The following MIS18A variants were observed in gnomAD, a reference collection of about 807,000 sequenced individuals.
MIS18A encodes the protein protein Mis18-alpha.
Under a neutral mutation model 25.0 loss-of-function variants are expected in MIS18A, and 14 were observed. That is an observed-to-expected ratio of 0.56 (90% CI 0.37 to 0.88). MIS18A has a LOEUF of 0.88. Among genes scored for constraint, MIS18A ranks in the 40% least tolerant of loss-of-function variants. MIS18A has a pLI of 0.00. For missense variants in MIS18A, 292 were observed against 290.8 expected, an observed-to-expected ratio of 1.00 and a Z score of -0.03; for synonymous variants, 134 against 118.6, an observed-to-expected ratio of 1.13 and a Z score of -0.84.
the MIS18A span, among the ~76,000 whole-genome samples, chr21:32,202,787 G>A: frequency 2.0e-5 from 3 of 152,100 alleles, no homozygotes; most frequent in South Asian, 2.1e-4. Context: ...GTTCACCCAC[G>A]TTGTAGCATG....
chr21:32,250,371 CT>C, the MIS18A span, among the ~76,000 whole-genome samples: 4 of 152,124 alleles, frequency 2.6e-5, no homozygotes, highest in Non-Finnish European at 5.9e-5. Flanking sequence ...TCCATTTTCC[CT>C]TTTGAGCAGC....
At chr21:32,189,437 C>T in the MIS18A span, among the ~76,000 whole-genome samples, 1 of 152,134 alleles carries the variant, frequency 6.6e-6, no homozygotes, top group African/African-American at 2.4e-5. Context: ...CACCACCACA[C>T]CTGGTAAATT....
chr21:32,210,660 GC>G, the MIS18A span, among the ~76,000 whole-genome samples: 1 of 152,190 alleles, frequency 6.6e-6, no homozygotes, highest in Admixed American at 6.5e-5. Context: ...TGTCGGGGGA[GC>G]AGGAATGTTT....
the MIS18A span, among the ~76,000 whole-genome samples, chr21:32,261,959 C>T: frequency 5.3e-5 from 8 of 152,212 alleles, no homozygotes; most frequent in Admixed American, 1.3e-4. Flanking sequence ...CCCTTCTAGA[C>T]GCTAAGATTG....
the MIS18A span, among the ~76,000 whole-genome samples, chr21:32,245,177 C>T: frequency 7.4e-3 from 1,124 of 152,306 alleles, 13 homozygotes; most frequent in African/African-American, 0.025. Flanking sequence ...GGAAGACCAC[C>T]TCCTGGATTA....
the MIS18A span, among the ~76,000 whole-genome samples, chr21:32,193,589 G>GA: frequency 6.6e-6 from 1 of 152,106 alleles, no homozygotes; most frequent in Non-Finnish European, 1.5e-5. Context: ...ATAATTTTAA[G>GA]AAAATAAATC....
the MIS18A span, among the ~76,000 whole-genome samples, chr21:32,258,784 A>C: frequency 2.0e-5 from 3 of 152,146 alleles, no homozygotes; most frequent in African/African-American, 7.2e-5. Context: ...ATCTTGTTGC[A>C]GCAGCACAGG....
the MIS18A span, among the ~76,000 whole-genome samples, chr21:32,242,715 C>CTT: frequency 4.6e-5 from 7 of 152,158 alleles, no homozygotes; most frequent in Admixed American, 4.6e-4. Context: ...CTGTGCTGGG[C>CTT]TTATCAAAAA....
At chr21:32,159,117 A>T in the MIS18A span, among the ~76,000 whole-genome samples, 1 of 152,186 alleles carries the variant, frequency 6.6e-6, no homozygotes, top group East Asian at 1.9e-4. Context: ...TTGTACCTCT[A>T]ATAAGAATGT....
At chr21:32,168,908 C>T in the MIS18A span, among the ~76,000 whole-genome samples, 1 of 152,148 alleles carries the variant, frequency 6.6e-6, no homozygotes, top group African/African-American at 2.4e-5. Context: ...AAACAATCTA[C>T]ATACTTCAAT....
chr21:32,215,336 C>A, the MIS18A span, among the ~76,000 whole-genome samples: 1 of 152,158 alleles, frequency 6.6e-6, no homozygotes, highest in Non-Finnish European at 1.5e-5. Flanking sequence ...AGGGGTAGCA[C>A]TGTGGGGAAA....
At chr21:32,236,210 TA>T in the MIS18A span, among the ~76,000 whole-genome samples, 64,733 of 145,420 alleles carry the variant, frequency 0.45, 15,527 homozygotes, top group African/African-American at 0.66. Context: ...CCGTCTCTAC[TA>T]AAAAAAAAAA....
downstream of MIS18A, among the ~76,000 whole-genome samples, chr21:32,265,685 C>T (rs891456036): frequency 5.3e-5 from 8 of 152,256 alleles, no homozygotes; most frequent in Admixed American, 2.0e-4. Flanking sequence ...GGCGCCCAGT[C>T]CCATCGACCA....
the MIS18A span, among the ~76,000 whole-genome samples, chr21:32,247,276 A>G: frequency 1.3e-5 from 2 of 152,172 alleles, no homozygotes; most frequent in Non-Finnish European, 2.9e-5. Context: ...TGGAGTCTCA[A>G]GTCTACACTC....
the MIS18A span, among the ~76,000 whole-genome samples, chr21:32,183,400 T>C: frequency 1.3e-5 from 2 of 152,238 alleles, no homozygotes; most frequent in Admixed American, 6.5e-5. Flanking sequence ...GAAAACATCA[T>C]GATAATTTCC....
downstream of MIS18A, among the ~76,000 whole-genome samples, chr21:32,267,055 C>T (rs546014568): frequency 5.3e-5 from 8 of 152,280 alleles, no homozygotes; most frequent in South Asian, 2.1e-4. Flanking sequence ...GAGAAACAAG[C>T]GGCCCAGGAC....
the MIS18A span, among the ~76,000 whole-genome samples, chr21:32,258,059 T>C: frequency 6.6e-5 from 10 of 152,130 alleles, no homozygotes; most frequent in Non-Finnish European, 1.3e-4. Context: ...GTCAGACACA[T>C]TAGCAAGGTG....
At chr21:32,214,834 C>A in the MIS18A span, among the ~76,000 whole-genome samples, 2 of 152,240 alleles carry the variant, frequency 1.3e-5, no homozygotes, top group Admixed American at 6.5e-5. Flanking sequence ...AAATGACTCA[C>A]CTGCCCAGTG....
chr21:32,221,271 C>G, the MIS18A span, among the ~76,000 whole-genome samples: 1 of 152,184 alleles, frequency 6.6e-6, no homozygotes, highest in Non-Finnish European at 1.5e-5. Flanking sequence ...ATCAGACCAA[C>G]AGGAGATCTC....
Sources: allele counts gnomAD v4.1 joint callset (sites outside exome capture counted in the v4.1 genomes callset), GRCh38; gene constraint gnomAD v4.1.1; transcripts MANE v1.5; gene names NCBI Gene and HGNC (gene_info 2026-07-23, HGNC 2026-07-21).